Variants in P2RX6 observed in about 807,000 individuals in gnomAD.
P2RX6 encodes P2X purinoceptor 6.
Under a neutral mutation model 54.2 loss-of-function variants are expected in P2RX6, and 62 were observed. The ratio of observed to expected loss-of-function variants is 1.14; its 90% confidence interval spans 0.93 to 1.41. The LOEUF is 1.41. Among genes scored for constraint, P2RX6 ranks in the 40% most tolerant of loss-of-function variants. P2RX6 has a pLI of 0.00. For synonymous variants in P2RX6, 211 were observed against 231.9 expected, an observed-to-expected ratio of 0.91 and a Z score of 0.82; for missense variants, 541 against 566.3, an observed-to-expected ratio of 0.96 and a Z score of 0.45.
chr22:21,012,591 A>G (rs1925801882), upstream of P2RX6: 3 of 611,018 alleles, frequency 4.9e-6, no homozygotes, highest in Non-Finnish European at 6.2e-6. Context: ...CATAGAGCCC[A>G]CTGTCCCAAA....
intron 3 of P2RX6, chr22:21,018,351 GGGCAGCAGCA>G: frequency 7.2e-6 from 3 of 415,606 alleles, no homozygotes; most frequent in South Asian, 4.3e-5. Flanking sequence ...CCCGAGCTCT[GGGCAGCAGCA>G]GTTCCCATGA....
intron 2 of P2RX6, among the ~76,000 whole-genome samples, 177 bp downstream of exon 2, chr22:21,016,269 A>G (rs1209875278): frequency 6.6e-6 from 1 of 152,164 alleles, no homozygotes; most frequent in Non-Finnish European, 1.5e-5. Flanking sequence ...AGGGATGTGT[A>G]GGAGGTTTTG....
intron 4 of P2RX6, 81 bp from the exon 5 acceptor site, chr22:21,022,861 T>C: frequency 5.3e-6 from 8 of 1,501,074 alleles, no homozygotes; most frequent in Middle Eastern, 1.8e-4. Context: ...GCATCTCTCT[T>C]TCTGCCAACA....
Position 21,016,028 on chromosome 22 carries a change from T to A in P2RX6, c.251T>A (p.Val84Asp). 1 of 1,556,416 alleles carries A rather than the reference T, an allele frequency of 6.4e-7. No homozygotes were observed. The highest frequency in any genetic ancestry group is 1.2e-5 in the South Asian group (1 of 84,318). ...SIITKLKGVSVTQIKELGNRL... is the reference protein window; with the variant it reads ...SIITKLKGVSDTQIKELGNRL... ...ATCACCAAACTCAAAGGGGTTTCCG[T>A]CACTCAGATCAAGGAGCTTGGAAAC... The change falls in exon 2 of 12, where the codon GTC becomes GAC. Residue 84 changes from valine (V) to aspartate (D), a missense_variant. By Grantham distance (152) the Val-to-Asp change is radical (BLOSUM62 -3). Coordinates refer to ENST00000413302, the MANE Select transcript of P2RX6 (RefSeq NM_005446.5).
chr22:21,022,694 G>T lies in P2RX6; in HGVS notation c.406G>T (p.Ala136Ser). ...RCPEHPSVPLANCWVDEDCPE... is the reference protein window; with the variant it reads ...RCPEHPSVPLSNCWVDEDCPE... ...ACCTCAGCACCCGTCCGTCCCACTGGCTAACTGCTGGGTCGACGAGGACTG... is the reference window on the plus strand; with the variant it reads ...ACCTCAGCACCCGTCCGTCCCACTGTCTAACTGCTGGGTCGACGAGGACTG... Residue 136 changes from alanine to serine, a missense_variant, in exon 4 of 12, where the codon GCT becomes TCT. By Grantham distance (99) the Ala-to-Ser change is moderately conservative. Transcript: ENST00000413302. The T allele has an allele frequency of 6.4e-7, 1 of 1,570,976 alleles. No individual in the cohort carries two copies. The highest frequency in any genetic ancestry group is 8.6e-7 in the Non-Finnish European group (1 of 1,159,742).
At chr22:21,023,736 G>A (rs1927906666) in intron 8 of P2RX6, 118 bp downstream of exon 8, 1 of 716,598 alleles carries the variant, frequency 1.4e-6, no homozygotes, top group Non-Finnish European at 2.4e-6. Flanking sequence ...TGTGCAAGGG[G>A]GTCCCAGGAG....
chr22:21,022,430 A>G (rs565150274), intron 3 of P2RX6, among the ~76,000 whole-genome samples: 1 of 152,294 alleles, frequency 6.6e-6, no homozygotes, highest in East Asian at 1.9e-4. Context: ...TTTGAAATAC[A>G]GTACTGTACC....
intron 8 of P2RX6, among the ~76,000 whole-genome samples, chr22:21,025,246 T>C (rs1928214816): frequency 6.6e-6 from 1 of 152,164 alleles, no homozygotes; most frequent in Non-Finnish European, 1.5e-5. Flanking sequence ...ATTGGATCCT[T>C]CTGCCACCGA....
At chr22:21,022,807 T>G (rs1398002043) in intron 4 of P2RX6, 56 bp downstream of exon 4, 13 of 1,492,738 alleles carry the variant, frequency 8.7e-6, no homozygotes, top group African/African-American at 2.8e-5. Context: ...CGGGCTGGGA[T>G]CCTGGGTGGC....
chr22:21,026,086 A>T lies in P2RX6; in HGVS notation c.1050+10A>T. ...AGCTTGGCTGGGCGTGGTGAGTGCGAGCACTGTGGGCACCTGCAGGCTGCA... is the reference window on the plus strand; with the variant it reads ...AGCTTGGCTGGGCGTGGTGAGTGCGTGCACTGTGGGCACCTGCAGGCTGCA... On this transcript the variant is annotated intron_variant, in intron 10 of 11. Transcript: ENST00000413302. This position sits in a 1 kb window ranked among gnomAD's most constrained non-coding sequence, Gnocchi z 4.0. The T allele has an allele frequency of 6.2e-7, 1 of 1,607,434 alleles. No individual in the cohort carries two copies. Among genetic ancestry groups the T allele is most frequent in the African/African-American group, 1.3e-5 (1 of 74,928 alleles).
rs1200940987 is a variant in P2RX6 at position 21,026,248 on chromosome 22, C to T, written c.1051-4C>T. On this transcript the variant is annotated splice_region_variant and splice_polypyrimidine_tract_variant and intron_variant, in intron 10 of 11. Transcript: ENST00000413302. This position sits in a 1 kb window ranked among gnomAD's most constrained non-coding sequence, Gnocchi z 4.0. Reference sequence around the variant, plus strand: ...GGAACATGGGTTGGCCCTGCCTCTCCCAGGTCACCTTTTTCTGTGACCTGC... The same window carrying T: ...GGAACATGGGTTGGCCCTGCCTCTCTCAGGTCACCTTTTTCTGTGACCTGC... 1.9e-6 allele frequency: 3 copies of T among 1,590,494 alleles called. No individual in the cohort carries two copies. Among genetic ancestry groups the T allele is most frequent in the Non-Finnish European group, 2.6e-6 (3 of 1,169,052 alleles).
intron 3 of P2RX6, among the ~76,000 whole-genome samples, chr22:21,020,414 C>T (rs5997159): frequency 1.4e-3 from 215 of 152,088 alleles, no homozygotes; most frequent in African/African-American, 4.8e-3. Context: ...CAGCAGACAC[C>T]GCTGAGCCTC....
At chr22:21,013,540 T>C (rs1601738758), upstream of P2RX6, among the ~76,000 whole-genome samples, 1 of 152,188 alleles carries the variant, frequency 6.6e-6, no homozygotes. Flanking sequence ...TGAGCTATGA[T>C]CCTGCCACTG....
intron 2 of P2RX6, among the ~76,000 whole-genome samples, chr22:21,017,544 A>G (rs1253042174): frequency 1.3e-5 from 2 of 152,168 alleles, no homozygotes; most frequent in African/African-American, 4.8e-5. Context: ...TAGAAGCAGC[A>G]GGCTGTTGGA....
At chr22:21,021,529 C>T (rs1421528172) in intron 3 of P2RX6, among the ~76,000 whole-genome samples, 1 of 152,142 alleles carries the variant, frequency 6.6e-6, no homozygotes, top group Non-Finnish European at 1.5e-5. Flanking sequence ...TGTGGCTCTG[C>T]TCCGACCTCC....
At position 21,026,030 on chromosome 22, in the gene P2RX6, TC is replaced by T. The variant is rs1288532929; in HGVS notation, c.1008del (p.Thr337ArgfsTer142). 6.2e-7 allele frequency: 1 copy of T among 1,611,586 alleles called. No homozygotes were observed. Among genetic ancestry groups the T allele is most frequent in the African/African-American group, 1.3e-5 (1 of 74,852 alleles). ...TCTCAGGCAGGGAAGTTCGGGCTCA[TC>T]CCCACGGCCGTCACACTGGGCACCG... ...VTGQAGKFGLIPTAVTLGTGA... is the reference protein window; with the variant it reads ...VTGQAGKFGLXPTAVTLGTGA... On this transcript the variant is annotated frameshift_variant, in exon 10 of 12. Transcript: ENST00000413302. LOFTEE classifies it high-confidence loss of function. The surrounding 1 kb of genome is among the most constrained non-coding windows in gnomAD (Gnocchi z 4.0).
At position 21,016,202 on chromosome 22, in the gene P2RX6, C is replaced by T. The variant is rs116153340; in HGVS notation, c.315+110C>T. 8.6e-3 allele frequency: 9,830 copies of T among 1,141,328 alleles called. 198 individuals carry two copies. The highest frequency in any genetic ancestry group is 0.072 in the African/African-American group (4,673 of 64,488). 70.7% of individuals were successfully genotyped at this position (1,141,328 alleles called of 1,614,324 possible). Reference sequence around the variant, plus strand: ...AGAGAGAAGCATGTGATGCCAGAGACGGCTGCGGGTTCTCAGGAAGGGCTT... The same window carrying T: ...AGAGAGAAGCATGTGATGCCAGAGATGGCTGCGGGTTCTCAGGAAGGGCTT... On this transcript the variant is annotated intron_variant, in intron 2 of 11. Coordinates refer to ENST00000413302, the MANE Select transcript of P2RX6 (RefSeq NM_005446.5).
upstream of P2RX6, among the ~76,000 whole-genome samples, chr22:21,014,470 T>A (rs1926002746): frequency 6.6e-6 from 1 of 152,216 alleles, no homozygotes; most frequent in Non-Finnish European, 1.5e-5. Context: ...GAGGATAAAC[T>A]GCACGCGCCA....
chr22:21,024,694 C>T (rs1444055000), intron 8 of P2RX6, among the ~76,000 whole-genome samples: 1 of 152,102 alleles, frequency 6.6e-6, no homozygotes, highest in Non-Finnish European at 1.5e-5. Flanking sequence ...CCTCTGCCTC[C>T]AGAGTAGCTG....
Sources: gnomAD v4.1 joint callset for allele counts (sites outside exome capture counted in the v4.1 genomes callset) on GRCh38, gnomAD v4.1.1 for gene constraint, Gnocchi (gnomAD v3.1) non-coding constraint, MANE v1.5 for transcripts, NCBI Gene and HGNC (gene_info 2026-07-23, HGNC 2026-07-21) for gene names.